Variants in PRH1 observed in about 807,000 individuals in gnomAD.
PRH1 encodes proline rich protein HaeIII subfamily 1.
In PRH1, 7 loss-of-function variants were observed where a neutral mutation model predicts 7.9. The ratio of observed to expected loss-of-function variants is 0.89; its 90% confidence interval spans 0.50 to 1.67. PRH1 has a LOEUF of 1.67. Ranked by LOEUF, PRH1 falls within the 40% of genes most tolerant of loss-of-function variation. The probability of loss-of-function intolerance (pLI) is 0.00; values close to 1 mark genes in which losing one functional copy is unlikely to be tolerated. For missense variants in PRH1, 109 were observed against 223.6 expected (o/e 0.49, Z 3.27); for synonymous variants, 45 against 80.8 (o/e 0.56, Z 2.38).
downstream of PRH1, among the ~76,000 whole-genome samples, chr12:11,119,634 G>A (rs1945836028): frequency 6.6e-6 from 1 of 151,854 alleles, no homozygotes; most frequent in African/African-American, 2.4e-5. Flanking sequence ...AAACTAATAT[G>A]CCCACATAAT....
At chr12:10,885,421 C>T (rs2135783945), upstream of PRH1, among the ~76,000 whole-genome samples, 1 of 152,110 alleles carries the variant, frequency 6.6e-6, no homozygotes, top group East Asian at 1.9e-4. Context: ...ACAAAGGTGT[C>T]CTTTATTTAT....
chr12:11,154,602 T>C (rs1328441983), intron 1 of PRH1, among the ~76,000 whole-genome samples: 1 of 152,144 alleles, frequency 6.6e-6, no homozygotes, highest in African/African-American at 2.4e-5. Flanking sequence ...AAGGTTGTCT[T>C]ATTATGCAGA....
chr12:10,989,761 T>C (rs111569284), intron 1 of PRH1, among the ~76,000 whole-genome samples: 1,932 of 152,300 alleles, frequency 0.013, 40 homozygotes, highest in African/African-American at 0.044. Context: ...TGAATTTCTA[T>C]TTGTTAAAGT....
intron 1 of PRH1, chr12:11,030,385 C>T: frequency 1.2e-6 from 2 of 1,605,126 alleles, no homozygotes; most frequent in Non-Finnish European, 1.7e-6. Context: ...CTAGAAGACA[C>T]ACAATGCCCC....
At chr12:10,944,569 G>T (rs1950456553) in intron 2 of PRH1, among the ~76,000 whole-genome samples, 1 of 152,032 alleles carries the variant, frequency 6.6e-6, no homozygotes, top group South Asian at 2.1e-4. Flanking sequence ...TTACCTGATT[G>T]CTCTGGCCAG....
upstream of PRH1, among the ~76,000 whole-genome samples, chr12:10,884,986 C>T (rs186209808): frequency 6.6e-6 from 1 of 152,152 alleles, no homozygotes; most frequent in African/African-American, 2.4e-5. Flanking sequence ...ACTCAGAAAC[C>T]ACCAAGGAAT....
At chr12:11,147,649 C>A (rs989309219) in intron 1 of PRH1, among the ~76,000 whole-genome samples, 1 of 152,154 alleles carries the variant, frequency 6.6e-6, no homozygotes, top group East Asian at 1.9e-4. Context: ...ATCATCACAT[C>A]ATTATACTGT....
At chr12:11,028,848 GAGA>G (rs903601921) in intron 1 of PRH1, among the ~76,000 whole-genome samples, 2 of 131,128 alleles carry the variant, frequency 1.5e-5, no homozygotes, top group Admixed American at 7.9e-5. Flanking sequence ...TTTTCCTTAG[GAGA>G]AGGATTCTGC....
rs778090945 is a variant in PRH1 at position 11,022,678 on chromosome 12, T to C, written c.-126+24342A>G. 438 of 852,950 alleles carry C rather than the reference T, an allele frequency of 5.1e-4. 1 individual carries two copies. Among genetic ancestry groups the C allele is most frequent in the South Asian group, 1.7e-3 (91 of 54,038 alleles). 52.8% of individuals were successfully genotyped at this position (852,950 alleles called of 1,614,324 possible). A position where few individuals can be genotyped will look rare whatever the true frequency, so the allele number is the denominator to read the frequency against. On this transcript the variant is annotated intron_variant, in intron 1 of 3. Transcript: ENST00000539853. ...TTGATTACTAAATGTGCAATAACAT[T>C]TTCTGCCTTTAAATTCAGTGACTAG...
chr12:11,168,213 GAAGAAAGAAAGAAAGAAAGAAAGAAAGA>G (rs869102236), intron 1 of PRH1, among the ~76,000 whole-genome samples: 10 of 19,648 alleles, frequency 5.1e-4, no homozygotes, highest in African/African-American at 7.9e-4. Context: ...AAGAAAGAAA[GAAGAAAGAAAGAAAGAAAGAAAGAAAGA>G]AAGAAAGAAA....
intron 1 of PRH1, among the ~76,000 whole-genome samples, chr12:11,027,823 A>G (rs1941994602): frequency 6.6e-6 from 1 of 152,210 alleles, no homozygotes; most frequent in Non-Finnish European, 1.5e-5. Flanking sequence ...AATTAGTGTA[A>G]GACCATTCTC....
chr12:11,068,732 GATC>G (rs1200856712), intron 1 of PRH1, among the ~76,000 whole-genome samples: 1 of 152,126 alleles, frequency 6.6e-6, no homozygotes, highest in East Asian at 1.9e-4. Flanking sequence ...TCTCTACTTA[GATC>G]ATTATTTCTA....
chr12:11,124,725 AATG>A (rs968651958), intron 1 of PRH1, among the ~76,000 whole-genome samples: 6 of 152,392 alleles, frequency 3.9e-5, no homozygotes, highest in Middle Eastern at 3.4e-3. Flanking sequence ...TGATTATAAT[AATG>A]ATGATAATGT....
At chr12:10,982,715 T>G (rs908778111) in intron 1 of PRH1, among the ~76,000 whole-genome samples, 2 of 152,176 alleles carry the variant, frequency 1.3e-5, no homozygotes. Context: ...TAGTAAAATA[T>G]TATAACATTG....
chr12:11,067,640 T>C lies in PRH1; in HGVS notation n.124-20452A>G, dbSNP rs369148367. On this transcript the variant is annotated intron_variant and non_coding_transcript_variant, in intron 1 of 4. Transcript: ENST00000541977. ...ATTTTGGAAGGCTGAGGCAGTTGGA[T>C]TGCCTGAGCACAGGAGTTCAAGTCC... Among the ~76,000 whole-genome samples the C allele has an allele frequency of 1.6e-4, 24 of 152,322 alleles. No homozygotes were observed. The East Asian group carries it at 2.5e-3, about 16-fold the overall frequency.
intron 1 of PRH1, among the ~76,000 whole-genome samples, chr12:11,067,969 T>C (rs191120849): frequency 2.9e-4 from 44 of 152,336 alleles, no homozygotes; most frequent in African/African-American, 1.0e-3. Context: ...TCTATAAGAA[T>C]ATGCTGTATC....
chr12:10,909,125 CA>C, intron 2 of PRH1: 1 of 1,613,834 alleles, frequency 6.2e-7, no homozygotes, highest in Non-Finnish European at 8.5e-7. Flanking sequence ...TTTCCCAGAT[CA>C]GCCCAATTCT....
chr12:11,058,457 A>ATG (rs1943453908), intron 1 of PRH1, among the ~76,000 whole-genome samples: 1 of 148,580 alleles, frequency 6.7e-6, no homozygotes, highest in Non-Finnish European at 1.5e-5. Flanking sequence ...CTCTCTCTCT[A>ATG]TATTTCCTAT....
chr12:10,920,638 T>C (rs569141170), intron 2 of PRH1, among the ~76,000 whole-genome samples: 1 of 152,274 alleles, frequency 6.6e-6, no homozygotes, highest in South Asian at 2.1e-4. Context: ...ATTTGTGTTA[T>C]TTCAAAAGTT....
Sources: allele counts gnomAD v4.1 joint callset (sites outside exome capture counted in the v4.1 genomes callset), GRCh38; gene constraint gnomAD v4.1.1; transcripts MANE v1.5; gene names NCBI Gene and HGNC (gene_info 2026-07-23, HGNC 2026-07-21).